The following PARP15 variants were observed in gnomAD, a reference collection of about 807,000 sequenced individuals.
PARP15 encodes the protein poly(ADP-ribose) polymerase family member 15.
Under a neutral mutation model 62.1 loss-of-function variants are expected in PARP15, and 50 were observed. The observed-to-expected ratio is 0.81, with a 90% CI of 0.64 to 1.02. PARP15 has a LOEUF of 1.02. Ranked by LOEUF, PARP15 falls within the 50% of genes least tolerant of loss-of-function variation. PARP15 has a pLI of 0.00. For missense variants in PARP15, 820 were observed against 826.5 expected, an observed-to-expected ratio of 0.99 and a Z score of 0.10; for synonymous variants, 309 against 293.1, an observed-to-expected ratio of 1.05 and a Z score of -0.55.
chr3:122,613,012 C>T, intron 3 of PARP15, 29 bp from the exon 4 acceptor site: 1 of 1,525,618 alleles, frequency 6.6e-7, no homozygotes, highest in Non-Finnish European at 8.9e-7. Context: ...TAAGCCCTAA[C>T]TTATGTAAAT....
chr3:122,636,277 C>A lies in PARP15; in HGVS notation c.*177C>A. On this transcript the variant is annotated 3_prime_UTR_variant, in exon 12 of 12. Coordinates refer to ENST00000464300, the MANE Select transcript of PARP15 (RefSeq NM_001113523.3). ...CGATTTGTAGCATACCTTTTTTTCTCAGCAAATTGATGGGTGGAAGCTGAG... is the reference window on the plus strand; with the variant it reads ...CGATTTGTAGCATACCTTTTTTTCTAAGCAAATTGATGGGTGGAAGCTGAG... 1.6e-6 allele frequency: 1 copy of A among 621,198 alleles called. No homozygotes were observed. The highest frequency in any genetic ancestry group is 2.7e-6 in the Non-Finnish European group (1 of 365,696). The allele number at this position is 621,198 out of a possible 1,614,324, so 38.5% of individuals were successfully genotyped here.
chr3:122,633,858 A>G (rs1012924857), intron 10 of PARP15, among the ~76,000 whole-genome samples: 1 of 152,116 alleles, frequency 6.6e-6, no homozygotes, highest in African/African-American at 2.4e-5. Flanking sequence ...ACTTCTTTTG[A>G]AAACCCCCAA....
chr3:122,606,579 A>G (rs1252708159), intron 2 of PARP15, among the ~76,000 whole-genome samples: 2 of 152,192 alleles, frequency 1.3e-5, no homozygotes, highest in East Asian at 3.8e-4. Context: ...CAGTTAACAG[A>G]AGATACAGGC....
chr3:122,636,502 C>T lies in PARP15; in HGVS notation c.*402C>T, dbSNP rs148085969. 4.1e-3 allele frequency: 734 copies of T among 178,548 alleles called. 8 individuals carry two copies. Among genetic ancestry groups the T allele is most frequent in the African/African-American group, 0.016 (673 of 42,426 alleles). The allele number at this position is 178,548 out of a possible 1,614,324, so 11.1% of individuals were successfully genotyped here. The stretch of plus-strand genomic sequence containing the variant: ...CTGTACTGCTTAAGTGGAGCGGCTA[C>T]CGTTATGCATCTATCACAGTTGGGG... On this transcript the variant is annotated 3_prime_UTR_variant, in exon 12 of 12. Coordinates refer to ENST00000464300, the MANE Select transcript of PARP15 (RefSeq NM_001113523.3).
In PARP15 at chr3:122,624,975, C is replaced by G. The variant is rs144108773; in HGVS notation, c.1232-1852C>G. 1.3e-3 allele frequency among the ~76,000 whole-genome samples: 201 copies of G among 152,162 alleles called. 2 individuals are homozygous for G. The highest frequency in any genetic ancestry group is 4.7e-3 in the African/African-American group (194 of 41,484). ...AGAGCTAGGTTCAAAGCCATGCAGCCTGGTCCCAAATCCTGCACAAATTTT... is the reference window on the plus strand; with the variant it reads ...AGAGCTAGGTTCAAAGCCATGCAGCGTGGTCCCAAATCCTGCACAAATTTT... On this transcript the variant is annotated intron_variant, in intron 8 of 11. Coordinates refer to ENST00000464300, the MANE Select transcript of PARP15 (RefSeq NM_001113523.3).
rs1393358905 is a variant in PARP15 at position 122,635,997 on chromosome 3, A to G, written c.1934A>G (p.Asp645Gly). Residue 645 changes from aspartate (D) to glycine (G), a missense_variant, in exon 12 of 12, where the codon GAT becomes GGT. Transcript: ENST00000464300. ...PPPKNPHNPT[D>G]LFDSVTNNTR... ...CCCAAGAATCCTCACAATCCCACAG[A>G]TCTCTTTGACTCAGTGACAAACAAT... 1.2e-6 allele frequency: 2 copies of G among 1,613,970 alleles called. No individual in the cohort carries two copies. Among genetic ancestry groups the G allele is most frequent in the African/African-American group, 1.3e-5 (1 of 74,876 alleles).
chr3:122,608,364 C>T (rs1935321923), intron 2 of PARP15, among the ~76,000 whole-genome samples: 1 of 151,818 alleles, frequency 6.6e-6, no homozygotes, highest in African/African-American at 2.4e-5. Flanking sequence ...TATAGGCGCC[C>T]ACCACCATGC....
intron 6 of PARP15, among the ~76,000 whole-genome samples, chr3:122,619,472 G>A (rs763350992): frequency 7.2e-5 from 11 of 152,080 alleles, no homozygotes; most frequent in South Asian, 2.1e-4. Flanking sequence ...AGTTTCATTC[G>A]TTTTTACAAA....
intron 1 of PARP15, among the ~76,000 whole-genome samples, chr3:122,592,013 A>G (rs12488306): frequency 0.69 from 104,542 of 152,126 alleles, 38,734 homozygotes; most frequent in East Asian, 0.9. Context: ...TAGTTCAACC[A>G]TTGTGGAAGA....
chr3:122,602,303 A>C (rs143515192), intron 1 of PARP15, among the ~76,000 whole-genome samples: 2,410 of 152,250 alleles, frequency 0.016, 68 homozygotes, highest in African/African-American at 0.053. Context: ...ATCAGATGGT[A>C]CGTAGACAAT....
Position 122,605,968 on chromosome 3 carries a change from T to C in PARP15, c.219T>C (p.Cys73=), listed in dbSNP as rs766475045. The part of the protein sequence containing the change: ...SRDNKFSKKD[C]LSIRNVVASI... ...ACAACAAGTTCAGCAAGAAAGATTG[T>C]CTTTCAATCAGGAATGTTGTAGCTT... is the stretch of plus-strand genomic sequence containing the variant. The change falls in exon 2 of 12, where the codon TGT becomes TGC. Residue 73 remains cysteine, a synonymous_variant. Transcript: ENST00000464300. The C allele has an allele frequency of 1.0e-5, 16 of 1,551,672 alleles. No individual in the cohort carries two copies. Among genetic ancestry groups the C allele is most frequent in the Non-Finnish European group, 1.4e-5 (16 of 1,146,936 alleles).
chr3:122,601,036 G>GTTTTTTTTTTTTTTTTGT (rs1934750403), intron 1 of PARP15, among the ~76,000 whole-genome samples: 1 of 73,036 alleles, frequency 1.4e-5, no homozygotes, highest in Non-Finnish European at 2.4e-5. Context: ...GTCTTTTATG[G>GTTTTTTTTTTTTTTTTGT]TTTTTTTTTT....
chr3:122,615,246 T>G, intron 4 of PARP15: 1 of 1,285,310 alleles, frequency 7.8e-7, no homozygotes, highest in Non-Finnish European at 1.0e-6. Context: ...AACTTCAATG[T>G]CTGAGGTTTT....
chr3:122,633,332 G>A (rs887525689), intron 10 of PARP15, among the ~76,000 whole-genome samples: 1 of 152,192 alleles, frequency 6.6e-6, no homozygotes, highest in Non-Finnish European at 1.5e-5. Flanking sequence ...AGGGGAGCCA[G>A]GAGATAGAGA....
intron 8 of PARP15, among the ~76,000 whole-genome samples, chr3:122,625,065 C>A (rs192079913): frequency 8.6e-5 from 13 of 151,738 alleles, no homozygotes; most frequent in East Asian, 3.9e-4. Flanking sequence ...TTACTCTATT[C>A]TTACCTACCA....
intron 1 of PARP15, among the ~76,000 whole-genome samples, chr3:122,578,422 G>C (rs2080729828): frequency 6.6e-6 from 1 of 152,098 alleles, no homozygotes; most frequent in Non-Finnish European, 1.5e-5. Flanking sequence ...TGTGTGGTTT[G>C]AGGAGTGAAT....
chr3:122,635,911 C>T lies in PARP15; in HGVS notation c.1848C>T (p.Tyr616=), dbSNP rs761080493. The change falls in exon 12 of 12, where the codon TAC becomes TAT. Residue 616 remains tyrosine (Y), a synonymous_variant. Transcript: ENST00000464300. The part of the protein sequence containing the change: ...KPDSNGRKHM[Y]VVRVLTGVFT... ...ACAGCAATGGGAGAAAGCACATGTA[C>T]GTTGTGCGAGTACTTACTGGAGTCT... 16 of 1,614,106 alleles carry T rather than the reference C, an allele frequency of 9.9e-6. No individual in the cohort carries two copies. The highest frequency in any genetic ancestry group is 8.0e-5 in the African/African-American group (6 of 75,030).
At chr3:122,607,529 C>G (rs1559954895) in intron 2 of PARP15, among the ~76,000 whole-genome samples, 2 of 151,986 alleles carry the variant, frequency 1.3e-5, no homozygotes, top group South Asian at 4.1e-4. Flanking sequence ...AATAAGGACT[C>G]AAAAAAATGA....
rs375945270 is a variant in PARP15, at chr3:122,582,717, ATT to A, written c.186+4870_186+4871del. Among the ~76,000 whole-genome samples, 9 of 151,780 alleles carry A rather than the reference ATT, an allele frequency of 5.9e-5. No individual in the cohort carries two copies. In the East Asian group the frequency reaches 1.2e-3, roughly 20 times the overall value. On this transcript the variant is annotated intron_variant, in intron 1 of 11. Transcript: ENST00000464300. ...GGTTTATAGTTTTCATCAAATTTGAATTTTTTTGGCTATAATTTCTTCAAATA... is the reference window on the plus strand; with the variant it reads ...GGTTTATAGTTTTCATCAAATTTGAATTTTTGGCTATAATTTCTTCAAATA...
Sources: allele counts gnomAD v4.1 joint callset (sites outside exome capture counted in the v4.1 genomes callset), GRCh38; gene constraint gnomAD v4.1.1; transcripts MANE v1.5; gene names NCBI Gene and HGNC (gene_info 2026-07-23, HGNC 2026-07-21).